Variants in UTP20 observed in about 807,000 individuals in gnomAD.
UTP20 encodes the protein UTP20 small subunit processome component.
UTP20 carries 164 observed loss-of-function variants against 329.5 expected under a neutral mutation model. The observed-to-expected ratio is 0.50, with a 90% CI of 0.44 to 0.57. UTP20 has a LOEUF of 0.57. Ranked by LOEUF, UTP20 falls within the 20% of genes least tolerant of loss-of-function variation. The pLI, the probability that UTP20 is intolerant of heterozygous loss-of-function variation, is 0.00. For missense variants in UTP20, 3,055 were observed against 3,284.2 expected, an observed-to-expected ratio of 0.93 and a Z score of 1.71; for synonymous variants, 1,151 against 1,159.3, an observed-to-expected ratio of 0.99 and a Z score of 0.14.
intron 29 of UTP20, among the ~76,000 whole-genome samples, chr12:101,337,106 T>G (rs1472931630): frequency 6.6e-6 from 1 of 152,268 alleles, no homozygotes; most frequent in Non-Finnish European, 1.5e-5. Context: ...CCTCTGAGCC[T>G]CAGTTTCATC....
chr12:101,373,960 G>T (rs1286044491), intron 54 of UTP20, among the ~76,000 whole-genome samples, 193 bp downstream of exon 54: 5 of 152,228 alleles, frequency 3.3e-5, no homozygotes, highest in African/African-American at 1.2e-4. Context: ...TATAGGCCGG[G>T]CGCGGTGGCT....
intron 19 of UTP20, among the ~76,000 whole-genome samples, chr12:101,310,799 A>C (rs1872768196): frequency 6.6e-6 from 1 of 152,124 alleles, no homozygotes; most frequent in Non-Finnish European, 1.5e-5. Context: ...ATTTGAAACT[A>C]ATTTGTCTAC....
At chr12:101,334,678 T>G (rs1474906730) in intron 29 of UTP20, among the ~76,000 whole-genome samples, 174 bp downstream of exon 29, 3 of 152,116 alleles carry the variant, frequency 2.0e-5, no homozygotes, top group South Asian at 2.1e-4. Context: ...TCAAAATACA[T>G]AGTTTAAAGA....
At chr12:101,305,801 G>C (rs943302472) in intron 15 of UTP20, 114 bp from the exon 16 acceptor site, 5 of 1,248,368 alleles carry the variant, frequency 4.0e-6, no homozygotes, top group Non-Finnish European at 5.3e-6. Context: ...TGAGACTTTT[G>C]CCTGTTACCT....
intron 37 of UTP20, among the ~76,000 whole-genome samples, chr12:101,346,191 A>T (rs1450663588): frequency 6.6e-6 from 1 of 152,090 alleles, no homozygotes; most frequent in East Asian, 1.9e-4. Flanking sequence ...AGCTGGGATT[A>T]CAGGCATGCA....
chr12:101,385,712 A>G lies in UTP20; in HGVS notation c.8186A>G (p.Lys2729Arg). 6.2e-7 allele frequency: 1 copy of G among 1,611,308 alleles called. No homozygotes were observed. Among genetic ancestry groups the G allele is most frequent in the Admixed American group, 1.7e-5 (1 of 58,974 alleles). ...AATGAGAAAAGGGCACTCCGGAAAA[A>G]GAGGAAGGCCCTGGAGGTAAGTTTG... ...QANEKRALRK[K>R]RKALEFVTNP... Residue 2729 changes from lysine (K) to arginine (R), a missense_variant, in exon 61 of 62, where the codon AAG (lysine) becomes AGG (arginine). By Grantham distance (26) the Lys-to-Arg change is conservative. Coordinates refer to ENST00000261637, the MANE Select transcript of UTP20 (RefSeq NM_014503.3).
At chr12:101,318,085 A>G (rs1873034868) in intron 22 of UTP20, among the ~76,000 whole-genome samples, 1 of 151,816 alleles carries the variant, frequency 6.6e-6, no homozygotes, top group Non-Finnish European at 1.5e-5. Flanking sequence ...CCTTCCACCC[A>G]CCTTCCCCAC....
At chr12:101,360,142 A>G (rs1321983457) in intron 43 of UTP20, among the ~76,000 whole-genome samples, 1 of 152,220 alleles carries the variant, frequency 6.6e-6, no homozygotes, top group Non-Finnish European at 1.5e-5. Flanking sequence ...GAGTTGAGAG[A>G]ACAACTGATT....
At position 101,345,584 on chromosome 12, in the gene UTP20, T is replaced by C. The variant is rs368175517; in HGVS notation, c.4636T>C (p.Ser1546Pro). The C allele has an allele frequency of 3.7e-6, 6 of 1,604,146 alleles. No homozygotes were observed. Among genetic ancestry groups the C allele is most frequent in the Middle Eastern group, 1.7e-4 (1 of 6,024 alleles). The change falls in exon 37 of 62, where the codon TCC becomes CCC. Residue 1546 changes from serine to proline, a missense_variant. Around this residue, in one of 3 missense-constraint regions of UTP20, gnomAD observed 2,445 missense variants for 2,575.5 expected, o/e 0.95. Transcript: ENST00000261637. ...TCAGCAGGATTATACCACAATACTT[T>C]CCTGTTTAATTCAAACCTTTCCAAA... is the stretch of plus-strand genomic sequence containing the variant. ...SIQQDYTTIL[S>P]CLIQTFPNQL...
chr12:101,326,264 ATGT>A (rs1311612513), intron 25 of UTP20, among the ~76,000 whole-genome samples: 6 of 152,138 alleles, frequency 3.9e-5, no homozygotes, highest in African/African-American at 7.2e-5. Context: ...ATAGTTACAA[ATGT>A]TGTATTTTAT....
Position 101,346,463 on chromosome 12 carries a change from G to A in UTP20, c.4759G>A (p.Ala1587Thr). ...NMKHIQIHRR[A>T]RALKKLAKQL... ...ATCTTACCCATAGATCCACAGAAGA[G>A]CAAGAGCCTTGAAGAAACTTGCAAA... The change falls in exon 38 of 62, where the codon GCA (alanine) becomes ACA (threonine). Residue 1587 changes from alanine to threonine, a missense_variant. Physicochemically the swap from Ala to Thr is moderately conservative, Grantham distance 58 (BLOSUM62 0). Coordinates refer to ENST00000261637, the MANE Select transcript of UTP20 (RefSeq NM_014503.3). 6.2e-7 allele frequency: 1 copy of A among 1,604,242 alleles called. No individual in the cohort carries two copies. The highest frequency in any genetic ancestry group is 1.1e-5 in the South Asian group (1 of 88,594).
At chr12:101,327,418 C>T (rs552209271) in intron 26 of UTP20, among the ~76,000 whole-genome samples, 171 bp downstream of exon 26, 48 of 152,280 alleles carry the variant, frequency 3.2e-4, no homozygotes, top group African/African-American at 1.0e-3. Context: ...AATTAAATTG[C>T]GTGAAACTGA....
At chr12:101,355,298 A>C (rs1316487861) in intron 41 of UTP20, among the ~76,000 whole-genome samples, 180 bp downstream of exon 41, 1 of 152,190 alleles carries the variant, frequency 6.6e-6, no homozygotes, top group Non-Finnish European at 1.5e-5. Flanking sequence ...ATCCTGCTGC[A>C]ACTAAGCAGT....
At chr12:101,357,411 A>G (rs941280997) in intron 43 of UTP20, among the ~76,000 whole-genome samples, 1 of 152,172 alleles carries the variant, frequency 6.6e-6, no homozygotes, top group African/African-American at 2.4e-5. Flanking sequence ...TGTGAATGAT[A>G]AAGAACATAC....
intron 25 of UTP20, 54 bp from the exon 26 acceptor site, chr12:101,327,027 A>G (rs1159902778): frequency 6.5e-7 from 1 of 1,537,818 alleles, no homozygotes; most frequent in African/African-American, 1.4e-5. Flanking sequence ...CAAATAAAAC[A>G]ACTCATATTT....
intron 24 of UTP20, 80 bp from the exon 25 acceptor site, chr12:101,321,424 C>T (rs55721648): frequency 8.9e-6 from 14 of 1,570,138 alleles, no homozygotes; most frequent in Non-Finnish European, 1.2e-5. Flanking sequence ...AGTTATTACT[C>T]TGTGTACATA....
rs776165708 is a variant in UTP20, at chr12:101,369,710, G to T, written c.6385-11G>T. On this transcript the variant is annotated splice_polypyrimidine_tract_variant and intron_variant, in intron 48 of 61. Coordinates refer to ENST00000261637, the MANE Select transcript of UTP20 (RefSeq NM_014503.3). ...TCACAAGTTGGTGGTGTTTTGTTTTGTTTTTTTCAGGTGATCACAGGTGCT... is the reference window on the plus strand; with the variant it reads ...TCACAAGTTGGTGGTGTTTTGTTTTTTTTTTTTCAGGTGATCACAGGTGCT... The T allele has an allele frequency of 4.8e-6, 7 of 1,462,846 alleles. No homozygotes were observed. The highest frequency in any genetic ancestry group is 2.3e-5 in the South Asian group (2 of 87,798). The allele number at this position is 1,462,846 out of a possible 1,614,324, so 90.6% of individuals were successfully genotyped here. A position where few individuals can be genotyped will look rare whatever the true frequency, so the allele number is the denominator to read the frequency against.
At chr12:101,317,752 C>A in intron 22 of UTP20, 89 bp downstream of exon 22, 1 of 1,313,802 alleles carries the variant, frequency 7.6e-7, no homozygotes, top group Admixed American at 2.8e-5. Flanking sequence ...AAATCAACTA[C>A]TCAGATAATT....
chr12:101,342,579 C>T lies in UTP20; in HGVS notation c.4235C>T (p.Thr1412Met), dbSNP rs200766524. 9.3e-5 allele frequency: 150 copies of T among 1,611,272 alleles called. No homozygotes were observed. Among genetic ancestry groups the T allele is most frequent in the Middle Eastern group, 1.7e-4 (1 of 6,002 alleles). The stretch of plus-strand genomic sequence containing the variant: ...AAATTGTCAAGAAAATTGCTTTGTA[C>T]GGTTTTTGAGGTCTGTACTATTCAT... ...KNKLSRKLLC[T>M]VFETLSDFES... is the part of the protein sequence containing the mutation. Residue 1412 changes from threonine (T) to methionine (M), a missense_variant, in exon 33 of 62, where the codon ACG (threonine) becomes ATG (methionine). By Grantham distance (81) the Thr-to-Met change is moderately conservative. Coordinates refer to ENST00000261637, the MANE Select transcript of UTP20 (RefSeq NM_014503.3).
Sources: gnomAD v4.1 joint callset for allele counts (sites outside exome capture counted in the v4.1 genomes callset) on GRCh38, gnomAD v4.1.1 for gene constraint, gnomAD v4.1.1 regional missense constraint, MANE v1.5 for transcripts, NCBI Gene and HGNC (gene_info 2026-07-23, HGNC 2026-07-21) for gene names.